The following JADE1 variants were observed in gnomAD, a reference collection of about 807,000 sequenced individuals.
JADE1 encodes the protein jade family PHD finger 1, also known as protein Jade-1.
JADE1 carries 14 observed loss-of-function variants against 81.8 expected under a neutral mutation model. The ratio of observed to expected loss-of-function variants is 0.17; its 90% CI spans 0.11 to 0.27. The LOEUF (loss-of-function observed/expected upper bound fraction) is 0.27. JADE1 is among the 10% of genes least tolerant of loss of function. JADE1 has a pLI of 1.00. For missense variants in JADE1, 690 were observed against 1,047.9 expected (o/e 0.66, Z 4.71); for synonymous variants, 353 against 391.9 (o/e 0.90, Z 1.17).
At chr4:128,850,692 T>G (rs1273307561) in intron 5 of JADE1, among the ~76,000 whole-genome samples, 2 of 152,234 alleles carry the variant, frequency 1.3e-5, no homozygotes, top group African/African-American at 4.8e-5. Context: ...CAGTTTCTGC[T>G]GTGTTGTAAG....
chr4:128,868,342 A>G (rs1273534976), intron 10 of JADE1, among the ~76,000 whole-genome samples: 1 of 152,232 alleles, frequency 6.6e-6, no homozygotes, highest in Admixed American at 6.5e-5. Context: ...CATCATGGGG[A>G]TACCTAACAG....
chr4:128,814,016 A>G (rs1170897691), intron 1 of JADE1, among the ~76,000 whole-genome samples: 1 of 151,646 alleles, frequency 6.6e-6, no homozygotes, highest in Non-Finnish European at 1.5e-5. Flanking sequence ...TTTAGCTTTA[A>G]CAAAGGTAGA....
intron 6 of JADE1, 88 bp downstream of exon 6, chr4:128,852,356 C>T (rs955324954): frequency 2.4e-5 from 25 of 1,021,024 alleles, no homozygotes; most frequent in Non-Finnish European, 3.3e-5. Context: ...CAGGATTCTT[C>T]CTCCGAATGG....
chr4:128,839,679 T>C (rs963325969), intron 2 of JADE1, among the ~76,000 whole-genome samples: 5 of 152,196 alleles, frequency 3.3e-5, no homozygotes, highest in Non-Finnish European at 7.3e-5. Flanking sequence ...GTCTGGCTTC[T>C]TTCACTCAGG....
At chr4:128,813,174 A>G (rs953093753) in intron 1 of JADE1, among the ~76,000 whole-genome samples, 1 of 152,170 alleles carries the variant, frequency 6.6e-6, no homozygotes, top group Non-Finnish European at 1.5e-5. Context: ...ATCATATCAC[A>G]ACTGATCAAG....
At chr4:128,813,722 G>T (rs1435269289) in intron 1 of JADE1, among the ~76,000 whole-genome samples, 3 of 151,774 alleles carry the variant, frequency 2.0e-5, no homozygotes, top group African/African-American at 7.3e-5. Flanking sequence ...CGCCCAGCCT[G>T]CTTACGGTCA....
At chr4:128,857,235 G>A in intron 7 of JADE1, 103 bp from the exon 8 acceptor site, 1 of 892,766 alleles carries the variant, frequency 1.1e-6, no homozygotes, top group Non-Finnish European at 1.8e-6. Context: ...GCCACTGTCT[G>A]GTAGGAGAGA....
At chr4:128,820,473 C>T (rs1229343862) in intron 1 of JADE1, among the ~76,000 whole-genome samples, 5 of 152,278 alleles carry the variant, frequency 3.3e-5, no homozygotes, top group East Asian at 3.9e-4. Flanking sequence ...GCAGAGTCTA[C>T]GTTGTGAGAC....
At chr4:128,863,167 C>G in intron 9 of JADE1, 1 of 985,524 alleles carries the variant, frequency 1.0e-6, no homozygotes, top group Non-Finnish European at 1.2e-6. Context: ...GGAGTCCCGT[C>G]TGGACGTCCC....
chr4:128,835,160 T>C (rs1387789742), intron 2 of JADE1, among the ~76,000 whole-genome samples: 1 of 152,186 alleles, frequency 6.6e-6, no homozygotes, highest in African/African-American at 2.4e-5. Context: ...TAGCCTAGGC[T>C]AAACATGGAA....
chr4:128,861,482 T>C (rs149392068), intron 8 of JADE1, among the ~76,000 whole-genome samples: 45 of 152,282 alleles, frequency 3.0e-4, no homozygotes, highest in Non-Finnish European at 7.3e-5. Context: ...TTAGGCAACA[T>C]AGGGAGACCT....
chr4:128,848,923 A>G, intron 4 of JADE1, 57 bp from the exon 5 acceptor site: 1 of 1,568,806 alleles, frequency 6.4e-7, no homozygotes, highest in Admixed American at 1.7e-5. Flanking sequence ...CTTGTGGCAC[A>G]CTTCATTGTC....
chr4:128,818,340 C>T (rs971052189), intron 1 of JADE1, among the ~76,000 whole-genome samples: 10 of 152,022 alleles, frequency 6.6e-5, no homozygotes, highest in African/African-American at 1.9e-4. Context: ...AGGCTGGTCT[C>T]GAACTCTTGA....
chr4:128,857,089 A>G (rs1730860122), intron 7 of JADE1, among the ~76,000 whole-genome samples: 1 of 152,168 alleles, frequency 6.6e-6, no homozygotes, highest in African/African-American at 2.4e-5. Context: ...TCCGGTGAGA[A>G]GTGAAAACTC....
At chr4:128,861,024 A>G (rs1731277482) in intron 8 of JADE1, among the ~76,000 whole-genome samples, 1 of 152,128 alleles carries the variant, frequency 6.6e-6, no homozygotes, top group Non-Finnish European at 1.5e-5. Flanking sequence ...TGCTGCTTCA[A>G]GGAAGTGCAC....
intron 2 of JADE1, among the ~76,000 whole-genome samples, chr4:128,841,179 T>C (rs1367929896): frequency 1.3e-5 from 2 of 152,236 alleles, no homozygotes; most frequent in Non-Finnish European, 2.9e-5. Context: ...TTTTTTGGCT[T>C]TTATTTTTCT....
chr4:128,874,504 A>T lies in JADE1; in HGVS notation c.*2242A>T, dbSNP rs1732426797. The stretch of plus-strand genomic sequence containing the variant: ...AAACAAAACAAAAACAAAACAAAAA[A>T]TATTAAAAAAAACCCACACAAAAAC... On this transcript the variant is annotated 3_prime_UTR_variant, in exon 11 of 11. Transcript: ENST00000226319. The T allele has an allele frequency of 9.6e-6, 1 of 104,172 alleles. No homozygotes were observed. The highest frequency in any genetic ancestry group is 1.7e-5 in the Non-Finnish European group (1 of 58,450). The allele number at this position is 104,172 out of a possible 1,614,324, so 6.5% of individuals were successfully genotyped here. A position where few individuals can be genotyped will look rare whatever the true frequency, so the allele number is the denominator to read the frequency against.
chr4:128,858,059 C>T (rs953367364), intron 8 of JADE1, among the ~76,000 whole-genome samples: 1 of 152,128 alleles, frequency 6.6e-6, no homozygotes, highest in Admixed American at 6.5e-5. Context: ...ATTTGGATGT[C>T]TGATTCTTTA....
At chr4:128,840,960 T>C (rs568713356) in intron 2 of JADE1, among the ~76,000 whole-genome samples, 1 of 152,378 alleles carries the variant, frequency 6.6e-6, no homozygotes, top group South Asian at 2.1e-4. Flanking sequence ...GTGCCGATGT[T>C]GTCCCTGTCA....
Sources: gnomAD v4.1 joint callset for allele counts (sites outside exome capture counted in the v4.1 genomes callset) on GRCh38, gnomAD v4.1.1 for gene constraint, MANE v1.5 for transcripts, NCBI Gene and HGNC (gene_info 2026-07-23, HGNC 2026-07-21) for gene names.